Variants in TEX36 observed in about 807,000 individuals in gnomAD.
The protein encoded by TEX36 is testis expressed 36.
TEX36 carries 12 observed loss-of-function variants against 13.6 expected under a neutral mutation model. The ratio of observed to expected loss-of-function variants is 0.88; its 90% CI spans 0.56 to 1.43. TEX36 has a LOEUF of 1.43. Among genes scored for constraint, TEX36 ranks in the 40% most tolerant of loss-of-function variants. The pLI is 0.00. For synonymous variants in TEX36, 93 were observed against 83.0 expected (o/e 1.12, Z -0.65); for missense variants, 224 against 228.3 (o/e 0.98, Z 0.12).
chr10:125,652,363 C>G (rs978980019), downstream of TEX36, among the ~76,000 whole-genome samples: 1 of 152,032 alleles, frequency 6.6e-6, no homozygotes, highest in Non-Finnish European at 1.5e-5. Flanking sequence ...CTTTGACAAA[C>G]CTGACAAAAA....
chr10:125,664,429 G>A (rs1325159300), intron 1 of TEX36, among the ~76,000 whole-genome samples: 1 of 152,142 alleles, frequency 6.6e-6, no homozygotes, highest in African/African-American at 2.4e-5. Flanking sequence ...ATTTTCCATA[G>A]TGGCTACTAT....
At chr10:125,579,694 T>C (rs952987215) in intron 3 of TEX36, among the ~76,000 whole-genome samples, 1 of 152,162 alleles carries the variant, frequency 6.6e-6, no homozygotes, top group African/African-American at 2.4e-5. Flanking sequence ...TTTCTCATGA[T>C]AGTGAGTGAA....
chr10:125,676,830 T>C (rs1236661528), intron 1 of TEX36, among the ~76,000 whole-genome samples: 1 of 152,220 alleles, frequency 6.6e-6, no homozygotes, highest in Non-Finnish European at 1.5e-5. Context: ...TTCATGATGG[T>C]AAATATTGTC....
intron 3 of TEX36, chr10:125,578,502 C>T (rs1366026050): frequency 1.3e-5 from 2 of 152,202 alleles, no homozygotes; most frequent in African/African-American, 4.8e-5. Flanking sequence ...ATAACATGGA[C>T]AGGACCCAGG....
rs1229991325 is a variant in TEX36 at position 125,656,125 on chromosome 10, A to G, written c.336T>C (p.Cys112=). Residue 112 remains cysteine, a synonymous_variant, in exon 4 of 4, where the codon TGT becomes TGC. Transcript: ENST00000368821. ...CATCAAGACAAGATGGAACATAGTC[A>G]CATGCCCAGAGATTAAAATTTCTTG... The part of the protein sequence containing the change: ...HVSRNFNLWA[C]DYVPSCLDGF... 5.8e-6 allele frequency: 9 copies of G among 1,549,298 alleles called. No homozygotes were observed. In the Admixed American group the frequency reaches 1.4e-4, roughly 24 times the overall value.
At chr10:125,611,679 A>G (rs1347339584) in intron 3 of TEX36, among the ~76,000 whole-genome samples, 2 of 151,742 alleles carry the variant, frequency 1.3e-5, no homozygotes, top group African/African-American at 4.8e-5. Flanking sequence ...TTACTTTTGC[A>G]TATGGTGTTT....
chr10:125,648,797 C>CA (rs1455746435), intron 3 of TEX36, among the ~76,000 whole-genome samples: 2 of 152,060 alleles, frequency 1.3e-5, no homozygotes, highest in African/African-American at 4.8e-5. Context: ...ATTTAATAAA[C>CA]AGAGTAGAGA....
rs553149457 is a variant in TEX36 at position 125,590,065 on chromosome 10, G to A, written c.265-13191C>T. ...GGAAATCCACTTATTAACATTACAC[G>A]ACCTTGGACAAGTCTGTTAATGTCT... On this transcript the variant is annotated intron_variant, in intron 3 of 3. Coordinates refer to the TEX36 transcript ENST00000532135. 2.0e-3 allele frequency among the ~76,000 whole-genome samples: 300 copies of A among 152,128 alleles called. 1 individual carries two copies. The highest frequency in any genetic ancestry group is 7.1e-3 in the African/African-American group (296 of 41,510).
Position 125,683,052 on chromosome 10 carries a change from T to C in TEX36, c.-63A>G, listed in dbSNP as rs1847422484. Reference sequence around the variant, plus strand: ...CTCACCTCTCCATAAGCTCTACATGTCTGGGAAGCTGCTTCCTAAACTTCA... The same window carrying C: ...CTCACCTCTCCATAAGCTCTACATGCCTGGGAAGCTGCTTCCTAAACTTCA... On this transcript the variant is annotated 5_prime_UTR_variant, in exon 1 of 4. Coordinates refer to ENST00000368821, the MANE Select transcript of TEX36 (RefSeq NM_001128202.3). 14 of 1,528,410 alleles carry C rather than the reference T, an allele frequency of 9.2e-6. No homozygotes were observed. The East Asian group carries it at 3.4e-4, about 37-fold the overall frequency. The allele number at this position is 1,528,410 out of a possible 1,614,324, so 94.7% of individuals were successfully genotyped here.
intron 3 of TEX36, among the ~76,000 whole-genome samples, chr10:125,614,421 C>T (rs1269772213): frequency 9.9e-5 from 15 of 151,720 alleles, no homozygotes; most frequent in African/African-American, 3.1e-4. Flanking sequence ...TTAGGTCTAA[C>T]GTTTAAGTCT....
At chr10:125,678,113 CA>C in intron 1 of TEX36, among the ~76,000 whole-genome samples, 1 of 152,318 alleles carries the variant, frequency 6.6e-6, no homozygotes, top group Middle Eastern at 3.4e-3. Context: ...TCTGTCCTTA[CA>C]TTGCTATCTG....
chr10:125,606,408 C>T (rs80314769), intron 3 of TEX36, among the ~76,000 whole-genome samples: 7 of 152,222 alleles, frequency 4.6e-5, no homozygotes, highest in African/African-American at 1.7e-4. Flanking sequence ...TAAACCAAGT[C>T]ATGTACACCA....
chr10:125,597,206 A>C (rs1846090505), intron 3 of TEX36, among the ~76,000 whole-genome samples: 1 of 152,110 alleles, frequency 6.6e-6, no homozygotes, highest in Non-Finnish European at 1.5e-5. Context: ...GCATGTTTGC[A>C]CCTGAGGCTT....
At chr10:125,672,749 G>T (rs987322849) in intron 1 of TEX36, among the ~76,000 whole-genome samples, 1 of 152,152 alleles carries the variant, frequency 6.6e-6, no homozygotes, top group Non-Finnish European at 1.5e-5. Flanking sequence ...CACTATTATT[G>T]TGGGGAGTCT....
At chr10:125,580,980 A>G (rs1845875044) in intron 3 of TEX36, among the ~76,000 whole-genome samples, 1 of 152,084 alleles carries the variant, frequency 6.6e-6, no homozygotes. Flanking sequence ...TGTCAGAGAG[A>G]GTGAAAAAAC....
chr10:125,621,919 C>T (rs563615897), intron 3 of TEX36, among the ~76,000 whole-genome samples: 93 of 152,278 alleles, frequency 6.1e-4, no homozygotes, highest in African/African-American at 1.9e-3. Flanking sequence ...TCGTTCTAGC[C>T]GCACTGGCAG....
At chr10:125,583,052 C>T (rs1294739937) in intron 3 of TEX36, among the ~76,000 whole-genome samples, 1 of 152,190 alleles carries the variant, frequency 6.6e-6, no homozygotes, top group Admixed American at 6.5e-5. Context: ...TCCTACCACA[C>T]AATCAGAAAT....
At chr10:125,656,368 T>C (rs1846945213) in intron 3 of TEX36, among the ~76,000 whole-genome samples, 172 bp from the exon 4 acceptor site, 1 of 145,256 alleles carries the variant, frequency 6.9e-6, no homozygotes, top group Non-Finnish European at 1.5e-5. Flanking sequence ...GCAATTCTCA[T>C]GCCTTAGCCT....
chr10:125,647,810 C>T (rs1482447275), intron 3 of TEX36, among the ~76,000 whole-genome samples: 1 of 152,190 alleles, frequency 6.6e-6, no homozygotes, highest in Admixed American at 6.5e-5. Context: ...CACCATAATA[C>T]TGCGCTTTTC....
Sources: gnomAD v4.1 joint callset for allele counts (sites outside exome capture counted in the v4.1 genomes callset) on GRCh38, gnomAD v4.1.1 for gene constraint, MANE v1.5 for transcripts, NCBI Gene and HGNC (gene_info 2026-07-23, HGNC 2026-07-21) for gene names.